MEI4: variants seen among roughly 807,000 people sequenced by gnomAD.
MEI4 encodes the protein meiosis-specific protein MEI4.
A neutral mutation model predicts 31.4 loss-of-function variants in MEI4; 27 were observed. The ratio of observed to expected loss-of-function variants is 0.86; its 90% CI spans 0.63 to 1.19. The LOEUF (loss-of-function observed/expected upper bound fraction) is 1.19. Ranked by LOEUF, MEI4 falls within the 50% of genes most tolerant of loss-of-function variation. The pLI is 0.00. For synonymous variants in MEI4, 122 were observed against 145.4 expected, an observed-to-expected ratio of 0.84 and a Z score of 1.16; for missense variants, 329 against 398.9, an observed-to-expected ratio of 0.82 and a Z score of 1.49.
chr6:77,777,685 A>G (rs1273805176), intron 3 of MEI4, among the ~76,000 whole-genome samples: 2 of 152,200 alleles, frequency 1.3e-5, no homozygotes, highest in East Asian at 3.8e-4. Flanking sequence ...AAGTATACCC[A>G]TATAATCAGG....
At chr6:77,804,107 C>T (rs1055528924) in intron 3 of MEI4, among the ~76,000 whole-genome samples, 21 of 152,166 alleles carry the variant, frequency 1.4e-4, no homozygotes, top group East Asian at 1.9e-4. Context: ...CCTTGAGGTG[C>T]GGTGGGCTCC....
chr6:77,770,153 A>G (rs2127686211), intron 3 of MEI4, among the ~76,000 whole-genome samples: 1 of 152,140 alleles, frequency 6.6e-6, no homozygotes, highest in African/African-American at 2.4e-5. Flanking sequence ...TACAACCAAT[A>G]CCTCAGAAAT....
rs552567536 is a variant in MEI4 at position 77,861,337 on chromosome 6, G to T, written c.900+32275G>T. Among the ~76,000 whole-genome samples, 26 of 152,294 alleles carry T rather than the reference G, an allele frequency of 1.7e-4. No individual in the cohort carries two copies. In the South Asian group the frequency reaches 5.4e-3, roughly 32 times the overall value. Reference sequence around the variant, plus strand: ...TATCTCTAAAAGCTTGATAAAGTTTGTCTATAAAATTGTCTAGGCCTGGTT... The same window carrying T: ...TATCTCTAAAAGCTTGATAAAGTTTTTCTATAAAATTGTCTAGGCCTGGTT... On this transcript the variant is annotated intron_variant, in intron 4 of 4. Coordinates refer to ENST00000684080, the MANE Select transcript of MEI4 (RefSeq NM_001322247.2).
At chr6:77,922,551 C>A (rs1766728088) in intron 4 of MEI4, among the ~76,000 whole-genome samples, 1 of 151,580 alleles carries the variant, frequency 6.6e-6, no homozygotes, top group African/African-American at 2.4e-5. Flanking sequence ...ACCATCTAGT[C>A]CAAATTAAAA....
chr6:77,852,525 T>A (rs1211272886), intron 4 of MEI4, among the ~76,000 whole-genome samples: 1 of 152,052 alleles, frequency 6.6e-6, no homozygotes, highest in African/African-American at 2.4e-5. Flanking sequence ...TGCTTATAAG[T>A]AACCAACTTT....
chr6:77,661,828 G>A (rs1456183964), intron 1 of MEI4, among the ~76,000 whole-genome samples: 3 of 152,054 alleles, frequency 2.0e-5, no homozygotes, highest in Admixed American at 1.3e-4. Context: ...GGGAGTAGGT[G>A]GGAGTGACCA....
chr6:77,923,178 A>T lies in MEI4; in HGVS notation c.990A>T (p.Glu330Asp), dbSNP rs1474470794. ...AGCTTCTTCAAAAGGAAACCGAAGA[A>T]GGCAACACTTCAAGTATAGGTCATG... ...LEQLLQKETE[E>D]GNTSSIGHDD... The change falls in exon 5 of 5, where the codon GAA becomes GAT. Residue 330 changes from glutamate (E) to aspartate (D), a missense_variant. Coordinates refer to ENST00000684080, the MANE Select transcript of MEI4 (RefSeq NM_001322247.2). 3 of 1,230,604 alleles carry T rather than the reference A, an allele frequency of 2.4e-6. No homozygotes were observed. Among genetic ancestry groups the T allele is most frequent in the Non-Finnish European group, 3.0e-6 (3 of 986,998 alleles). 76.2% of individuals were successfully genotyped at this position (1,230,604 alleles called of 1,614,324 possible). A position where few individuals can be genotyped will look rare whatever the true frequency, so the allele number is the denominator to read the frequency against.
At chr6:77,689,763 G>T (rs1769123623) in intron 1 of MEI4, among the ~76,000 whole-genome samples, 1 of 152,038 alleles carries the variant, frequency 6.6e-6, no homozygotes, top group Admixed American at 6.6e-5. Flanking sequence ...ATTTGAAAAT[G>T]TGTTAGTAGG....
intron 3 of MEI4, among the ~76,000 whole-genome samples, chr6:77,813,075 G>T (rs2127705507): frequency 6.6e-6 from 1 of 152,108 alleles, no homozygotes; most frequent in Middle Eastern, 3.4e-3. Flanking sequence ...ATTTTGGTTG[G>T]ATAAAAATCT....
At chr6:77,688,893 A>G (rs990772350) in intron 1 of MEI4, among the ~76,000 whole-genome samples, 1 of 152,044 alleles carries the variant, frequency 6.6e-6, no homozygotes, top group African/African-American at 2.4e-5. Flanking sequence ...CTGATGACAG[A>G]TGGAGGATGA....
rs185366841 is a variant in MEI4 at position 77,741,747 on chromosome 6, C to A, written c.233-19383C>A. 9.7e-3 allele frequency among the ~76,000 whole-genome samples: 1,450 copies of A among 148,944 alleles called. 26 individuals carry two copies. Among genetic ancestry groups the A allele is most frequent in the African/African-American group, 0.034 (1,378 of 40,464 alleles). On this transcript the variant is annotated intron_variant, in intron 2 of 4. Coordinates refer to ENST00000684080, the MANE Select transcript of MEI4 (RefSeq NM_001322247.2). ...ACTCGTCATTTAGCATTAGGCATATCTCCTAATGCTATCCCTCCCCCCTCC... is the reference window on the plus strand; with the variant it reads ...ACTCGTCATTTAGCATTAGGCATATATCCTAATGCTATCCCTCCCCCCTCC...
At chr6:77,866,182 C>T (rs1377524163) in intron 4 of MEI4, among the ~76,000 whole-genome samples, 1 of 151,920 alleles carries the variant, frequency 6.6e-6, no homozygotes, top group African/African-American at 2.4e-5. Context: ...GACAGGGATG[C>T]CCTCTCTCAC....
At chr6:77,666,550 A>T (rs1225729584) in intron 1 of MEI4, among the ~76,000 whole-genome samples, 2 of 152,066 alleles carry the variant, frequency 1.3e-5, no homozygotes, top group Non-Finnish European at 2.9e-5. Flanking sequence ...GCAACTTTAT[A>T]AGTTAGGTGC....
At position 77,748,764 on chromosome 6, in the gene MEI4, C is replaced by A. The variant is rs375624306; in HGVS notation, c.233-12366C>A. ...TTTCTAAACTTTTATGCTCTGTCAC[C>A]TCTTGAATGCTTTGCTGCTTTGAAA... is the stretch of plus-strand genomic sequence containing the variant. On this transcript the variant is annotated intron_variant, in intron 2 of 4. Coordinates refer to ENST00000684080, the MANE Select transcript of MEI4 (RefSeq NM_001322247.2). Among the ~76,000 whole-genome samples the A allele has an allele frequency of 1.1e-4, 16 of 152,298 alleles. 1 individual carries two copies. The East Asian group carries it at 2.9e-3, about 28-fold the overall frequency.
chr6:77,863,805 C>A (rs548307221), intron 4 of MEI4, among the ~76,000 whole-genome samples: 2 of 152,004 alleles, frequency 1.3e-5, no homozygotes, highest in East Asian at 1.9e-4. Context: ...GAAATGAAGG[C>A]AAAAATGTTA....
At chr6:77,760,200 A>T (rs1295871602) in intron 2 of MEI4, among the ~76,000 whole-genome samples, 1 of 152,142 alleles carries the variant, frequency 6.6e-6, no homozygotes, top group African/African-American at 2.4e-5. Flanking sequence ...GTACATACAC[A>T]GGTACATACA....
intron 3 of MEI4, among the ~76,000 whole-genome samples, chr6:77,780,385 T>C (rs1252840188): frequency 6.6e-6 from 1 of 152,066 alleles, no homozygotes; most frequent in Non-Finnish European, 1.5e-5. Flanking sequence ...CTCAAAGCCT[T>C]TGTCATTAAA....
chr6:77,705,492 G>A (rs1434617488), intron 2 of MEI4, among the ~76,000 whole-genome samples: 1 of 152,186 alleles, frequency 6.6e-6, no homozygotes, highest in African/African-American at 2.4e-5. Context: ...GAGTCACACT[G>A]AAAGCTAAAA....
At chr6:77,728,017 T>G (rs1286845308) in intron 2 of MEI4, among the ~76,000 whole-genome samples, 2 of 152,218 alleles carry the variant, frequency 1.3e-5, no homozygotes, top group Non-Finnish European at 2.9e-5. Flanking sequence ...AGTTGCACAG[T>G]ACCTAGTAAG....
Sources: allele counts gnomAD v4.1 joint callset (sites outside exome capture counted in the v4.1 genomes callset), GRCh38; gene constraint gnomAD v4.1.1; transcripts MANE v1.5; gene names NCBI Gene and HGNC (gene_info 2026-07-23, HGNC 2026-07-21).